Variants in DIAPH3 observed in about 807,000 individuals in gnomAD.
The protein encoded by DIAPH3 is diaphanous related formin 3.
Under a neutral mutation model 144.3 loss-of-function variants are expected in DIAPH3, and 117 were observed. That is an observed-to-expected ratio of 0.81 (90% CI 0.70 to 0.95). DIAPH3 has a LOEUF of 0.95. Among genes scored for constraint, DIAPH3 ranks in the 40% least tolerant of loss-of-function variants. DIAPH3 has a pLI of 0.00. For missense variants in DIAPH3, 1,421 were observed against 1,412.7 expected, an observed-to-expected ratio of 1.01 and a Z score of -0.09; for synonymous variants, 519 against 488.9, an observed-to-expected ratio of 1.06 and a Z score of -0.81.
intron 27 of DIAPH3, among the ~76,000 whole-genome samples, chr13:59,749,475 G>C (rs1385162823): frequency 7.4e-6 from 1 of 135,940 alleles, no homozygotes; most frequent in Non-Finnish European, 1.5e-5. Context: ...AGCCGAGATT[G>C]TGCCACTGCA....
At chr13:59,978,992 T>C (rs762483389) in intron 14 of DIAPH3, among the ~76,000 whole-genome samples, 1 of 151,700 alleles carries the variant, frequency 6.6e-6, no homozygotes, top group Admixed American at 6.6e-5. Flanking sequence ...GCAACCATGA[T>C]AGCTTCCTGC....
intron 25 of DIAPH3, among the ~76,000 whole-genome samples, chr13:59,785,657 C>T (rs1269340976): frequency 1.3e-5 from 2 of 152,106 alleles, no homozygotes; most frequent in Non-Finnish European, 2.9e-5. Context: ...GCAAATATTG[C>T]TGATTAGTCA....
Position 60,008,598 on chromosome 13 carries a change from A to G in DIAPH3, c.960T>C (p.Ile320=). The G allele has an allele frequency of 6.2e-7, 1 of 1,613,792 alleles. No homozygotes were observed. Among genetic ancestry groups the G allele is most frequent in the Non-Finnish European group, 8.5e-7 (1 of 1,179,862 alleles). Residue 320 remains isoleucine, a synonymous_variant, in exon 9 of 28, where the codon ATT becomes ATC. Coordinates refer to ENST00000400324, the MANE Select transcript of DIAPH3 (RefSeq NM_001042517.2). ...ALTSAGEEKK[I]DRFFCIVEGL... ...CTTCCACAATACAAAAAAATCTGTCAATTTTTTTTTCTTCACCAGCTGAAG... is the reference window on the plus strand; with the variant it reads ...CTTCCACAATACAAAAAAATCTGTCGATTTTTTTTTCTTCACCAGCTGAAG...
chr13:59,948,745 G>A (rs1481248505), intron 17 of DIAPH3, among the ~76,000 whole-genome samples: 1 of 152,112 alleles, frequency 6.6e-6, no homozygotes, highest in Non-Finnish European at 1.5e-5. Context: ...GTAGGTGTGA[G>A]CTACCTCACC....
At chr13:59,982,164 T>G (rs943095274) in intron 13 of DIAPH3, among the ~76,000 whole-genome samples, 14 of 151,644 alleles carry the variant, frequency 9.2e-5, no homozygotes, top group African/African-American at 3.4e-4. Flanking sequence ...CTTATGAGAT[T>G]ATTCTAAATA....
At chr13:59,929,551 G>GTTTTTT (rs1733187385) in intron 17 of DIAPH3, among the ~76,000 whole-genome samples, 1 of 70,434 alleles carries the variant, frequency 1.4e-5, no homozygotes, top group Non-Finnish European at 3.0e-5. Context: ...TCTAAATTTT[G>GTTTTTT]TTCTTTTTTT....
intron 22 of DIAPH3, among the ~76,000 whole-genome samples, chr13:59,859,051 T>C (rs893482046): frequency 6.6e-6 from 1 of 152,172 alleles, no homozygotes; most frequent in Non-Finnish European, 1.5e-5. Context: ...ATAACACGTG[T>C]ATAAGAGCAT....
chr13:59,806,274 T>C (rs975006989), intron 25 of DIAPH3, among the ~76,000 whole-genome samples: 3 of 151,994 alleles, frequency 2.0e-5, no homozygotes, highest in African/African-American at 7.2e-5. Context: ...GGCTAAAAAT[T>C]TCTACGAAGA....
intron 5 of DIAPH3, among the ~76,000 whole-genome samples, chr13:60,041,129 A>C (rs79236102): frequency 0.3 from 15,085 of 49,972 alleles, 872 homozygotes; most frequent in African/African-American, 0.42. Flanking sequence ...ATGAACCTGG[A>C]CAAATATATT....
intron 18 of DIAPH3, among the ~76,000 whole-genome samples, chr13:59,924,301 T>TG (rs2047654917): frequency 6.6e-6 from 1 of 152,158 alleles, no homozygotes; most frequent in South Asian, 2.1e-4. Context: ...GGAAAGGCTT[T>TG]GAACTGCTCA....
chr13:59,879,188 A>C, intron 21 of DIAPH3, 41 bp downstream of exon 21: 3 of 1,612,818 alleles, frequency 1.9e-6, no homozygotes, highest in Non-Finnish European at 2.5e-6. Context: ...TTTAAGAGCA[A>C]GTGTTCAGGC....
chr13:59,956,438 G>A (rs1030317677), intron 17 of DIAPH3, among the ~76,000 whole-genome samples: 16 of 152,198 alleles, frequency 1.1e-4, no homozygotes, highest in Non-Finnish European at 2.1e-4. Flanking sequence ...AAGCCTTGGC[G>A]GCTTACACAT....
At chr13:59,905,386 C>G (rs1744302413) in intron 20 of DIAPH3, among the ~76,000 whole-genome samples, 1 of 148,772 alleles carries the variant, frequency 6.7e-6, no homozygotes, top group South Asian at 2.1e-4. Context: ...AGTTCACATG[C>G]CTTCTGGAAG....
chr13:60,089,724 C>A (rs1306646386), intron 4 of DIAPH3, among the ~76,000 whole-genome samples: 1 of 152,158 alleles, frequency 6.6e-6, no homozygotes, highest in African/African-American at 2.4e-5. Context: ...AATAAACTTG[C>A]TGTTAAACAT....
chr13:59,966,014 A>C (rs1160972095), intron 17 of DIAPH3, among the ~76,000 whole-genome samples: 1 of 152,172 alleles, frequency 6.6e-6, no homozygotes, highest in African/African-American at 2.4e-5. Context: ...AAAATACAGA[A>C]AGCTAAGATG....
At chr13:60,048,275 T>C (rs537643753) in intron 4 of DIAPH3, among the ~76,000 whole-genome samples, 4 of 152,320 alleles carry the variant, frequency 2.6e-5, no homozygotes, top group Non-Finnish European at 4.4e-5. Flanking sequence ...CAAGTAGATG[T>C]AGGGAAACTC....
chr13:60,045,832 T>G (rs2056032320), intron 4 of DIAPH3, among the ~76,000 whole-genome samples: 2 of 152,206 alleles, frequency 1.3e-5, no homozygotes, highest in African/African-American at 2.4e-5. Context: ...CAAATACTTT[T>G]TAAGTATGAG....
In DIAPH3 at chr13:60,092,064, C is replaced by A. The variant is rs118165059; in HGVS notation, c.495+1564G>T. Among the ~76,000 whole-genome samples the A allele has an allele frequency of 9.6e-3, 1,459 of 152,206 alleles. 17 individuals carry two copies. Among genetic ancestry groups the A allele is most frequent in the Non-Finnish European group, 0.012 (790 of 68,014 alleles). ...CTATGTTCTCCAGGCTGCTCTCAAA[C>A]TCCTGGCCTCAAGAGGTCCTCCCAC... On this transcript the variant is annotated intron_variant, in intron 4 of 27. Transcript: ENST00000400324.
chr13:59,860,434 T>C (rs907764054), intron 22 of DIAPH3, among the ~76,000 whole-genome samples: 5 of 152,094 alleles, frequency 3.3e-5, no homozygotes, highest in African/African-American at 9.7e-5. Flanking sequence ...AAAGAATCAA[T>C]GTGAAATATA....
Sources: gnomAD v4.1 joint callset for allele counts (sites outside exome capture counted in the v4.1 genomes callset) on GRCh38, gnomAD v4.1.1 for gene constraint, MANE v1.5 for transcripts, NCBI Gene and HGNC (gene_info 2026-07-23, HGNC 2026-07-21) for gene names.